The following OLFM1 variants were observed in gnomAD, a reference collection of about 807,000 sequenced individuals.
OLFM1 encodes noelin.
A neutral mutation model predicts 49.7 loss-of-function variants in OLFM1; 9 were observed. That is an observed-to-expected ratio of 0.18 (90% CI 0.11 to 0.32). OLFM1 has a LOEUF of 0.32. Among genes scored for constraint, OLFM1 ranks in the 10% least tolerant of loss-of-function variants. The pLI is 1.00. For synonymous variants in OLFM1, 240 were observed against 271.8 expected (o/e 0.88, Z 1.15); for missense variants, 369 against 661.8 (o/e 0.56, Z 4.85).
chr9:135,088,001 G>A lies in OLFM1; in HGVS notation c.12G>A (p.Pro4=). Residue 4 remains proline, a synonymous_variant, in exon 1 of 6, where the codon CCG becomes CCA. Coordinates refer to ENST00000371793, the MANE Select transcript of OLFM1 (RefSeq NM_001282611.2). This position sits in a 1 kb window ranked among gnomAD's most constrained non-coding sequence, Gnocchi z 4.8. ...CAGCTCGAGGCGCGATGTCGGTGCC[G>A]CTGCTCAAGATCGGGGTCGTGCTGA... MSV[P]LLKIGVVLST... The A allele has an allele frequency of 6.9e-7, 1 of 1,451,346 alleles. No individual in the cohort carries two copies. 89.9% of individuals were successfully genotyped at this position (1,451,346 alleles called of 1,614,324 possible). A position where few individuals can be genotyped will look rare whatever the true frequency, so the allele number is the denominator to read the frequency against.
chr9:135,114,233 G>A (rs150175751), intron 5 of OLFM1, among the ~76,000 whole-genome samples: 9,159 of 139,550 alleles, frequency 0.066, 580 homozygotes, highest in African/African-American at 0.16. Context: ...TGATTCTCCT[G>A]CCTTAGCCTC....
At chr9:135,099,819 T>C (rs963103793) in intron 4 of OLFM1, among the ~76,000 whole-genome samples, 7 of 151,870 alleles carry the variant, frequency 4.6e-5, no homozygotes, top group African/African-American at 1.7e-4. Flanking sequence ...AGGAGGGGGG[T>C]CTGGGCCAGA....
At chr9:135,087,113 T>C (rs557023513), upstream of OLFM1, 442 of 880,374 alleles carry the variant, frequency 5.0e-4, 9 homozygotes, top group Middle Eastern at 5.9e-3. Flanking sequence ...GCACCGCGGC[T>C]GCCCTGGGAT....
rs1830620268 is a variant in OLFM1 at position 135,087,825 on chromosome 9, G to T, written c.-165G>T. ...CCCGGGGAAGGCGCGGCGATGGCCG[G>T]GGCGCGCGGGGCGGCGGCGGCGGCG... On this transcript the variant is annotated 5_prime_UTR_variant, in exon 1 of 6. Transcript: ENST00000371793. 2.2e-6 allele frequency: 2 copies of T among 898,702 alleles called. No individual in the cohort carries two copies. The highest frequency in any genetic ancestry group is 2.7e-6 in the Non-Finnish European group (2 of 753,584). The allele number at this position is 898,702 out of a possible 1,614,324, so 55.7% of individuals were successfully genotyped here. A position where few individuals can be genotyped will look rare whatever the true frequency, so the allele number is the denominator to read the frequency against.
At chr9:135,114,355 T>A (rs1389269955) in intron 5 of OLFM1, among the ~76,000 whole-genome samples, 1 of 152,000 alleles carries the variant, frequency 6.6e-6, no homozygotes, top group Non-Finnish European at 1.5e-5. Flanking sequence ...GACCTCGTGA[T>A]CCGCCCACCT....
At chr9:135,077,042 C>T (rs1196751817) in intron 1 of OLFM1, 17 of 1,533,028 alleles carry the variant, frequency 1.1e-5, no homozygotes, top group Non-Finnish European at 1.5e-5. Context: ...GCCAGTCCCT[C>T]CTGGAGAGGT....
intron 1 of OLFM1, chr9:135,075,947 G>T: frequency 7.7e-7 from 1 of 1,291,812 alleles, no homozygotes; most frequent in Non-Finnish European, 9.9e-7. Context: ...TGGGGAGGGG[G>T]CCAGGGCGCT....
chr9:135,075,886 T>C (rs997682416), intron 1 of OLFM1: 39 of 1,331,940 alleles, frequency 2.9e-5, no homozygotes, highest in South Asian at 8.2e-5. Flanking sequence ...GGAACGGCTC[T>C]GGCTCCGCGC....
upstream of OLFM1, chr9:135,087,472 T>A (rs1453847508): frequency 6.6e-7 from 1 of 1,521,350 alleles, no homozygotes; most frequent in Non-Finnish European, 8.8e-7. Flanking sequence ...TGGTGGTGTG[T>A]CCGTCTCCTC....
Position 135,115,661 on chromosome 9 carries a change from C to T in OLFM1, c.784-3843C>T, listed in dbSNP as rs376782636. ...TTCCCCACTTCCCAGTCAAGACAAT[C>T]GAACTGTTTCTGGGCATGTGCAGTG... On this transcript the variant is annotated intron_variant, in intron 5 of 5. Coordinates refer to ENST00000371793, the MANE Select transcript of OLFM1 (RefSeq NM_001282611.2). Among the ~76,000 whole-genome samples, 328 of 152,324 alleles carry T rather than the reference C, an allele frequency of 2.2e-3. 1 individual carries two copies. The highest frequency in any genetic ancestry group is 7.1e-3 in the African/African-American group (295 of 41,570).
intron 4 of OLFM1, chr9:135,105,656 C>T (rs555929040): frequency 1.3e-5 from 2 of 152,430 alleles, no homozygotes; most frequent in East Asian, 3.9e-4. Context: ...TCTTCCCCCA[C>T]ACGTGGATGG....
At chr9:135,106,948 C>A (rs760340930) in intron 5 of OLFM1, 93 bp downstream of exon 5, 7 of 997,556 alleles carry the variant, frequency 7.0e-6, no homozygotes, top group Non-Finnish European at 8.9e-6. Context: ...CCACGCCCAC[C>A]CTCCAGGGCC....
intron 1 of OLFM1, chr9:135,077,461 A>T (rs1830482146): frequency 2.1e-6 from 1 of 474,904 alleles, no homozygotes; most frequent in Non-Finnish European, 3.5e-6. Flanking sequence ...CTTCAATTAG[A>T]AGCCTTGTCT....
intron 1 of OLFM1, among the ~76,000 whole-genome samples, chr9:135,082,609 C>T (rs1003763274): frequency 3.3e-5 from 5 of 152,158 alleles, no homozygotes; most frequent in Non-Finnish European, 7.3e-5. Context: ...GAACCCCTGC[C>T]CAGCCTCCTT....
At position 135,087,827 on chromosome 9, in the gene OLFM1, G is replaced by A. The variant is rs1343774441; in HGVS notation, c.-163G>A. Reference sequence around the variant, plus strand: ...CGGGGAAGGCGCGGCGATGGCCGGGGCGCGCGGGGCGGCGGCGGCGGCGGG... The same window carrying A: ...CGGGGAAGGCGCGGCGATGGCCGGGACGCGCGGGGCGGCGGCGGCGGCGGG... On this transcript the variant is annotated 5_prime_UTR_variant, in exon 1 of 6. Coordinates refer to ENST00000371793, the MANE Select transcript of OLFM1 (RefSeq NM_001282611.2). The A allele has an allele frequency of 3.1e-5, 28 of 905,156 alleles. No individual in the cohort carries two copies. The highest frequency in any genetic ancestry group is 3.6e-5 in the Non-Finnish European group (27 of 759,434). The allele number at this position is 905,156 out of a possible 1,614,324, so 56.1% of individuals were successfully genotyped here.
chr9:135,112,759 C>T (rs1006778626), intron 5 of OLFM1, among the ~76,000 whole-genome samples: 8 of 152,170 alleles, frequency 5.3e-5, no homozygotes, highest in African/African-American at 2.4e-5. Context: ...GGGAGGATGG[C>T]GGCGTGAGAG....
intron 1 of OLFM1, among the ~76,000 whole-genome samples, chr9:135,081,699 G>A (rs1433554235): frequency 1.3e-5 from 2 of 152,218 alleles, no homozygotes; most frequent in African/African-American, 4.8e-5. Flanking sequence ...TTAGGGGCCA[G>A]GCGCACTGGC....
intron 5 of OLFM1, among the ~76,000 whole-genome samples, chr9:135,107,190 T>C (rs1830957746): frequency 6.6e-6 from 1 of 152,102 alleles, no homozygotes; most frequent in South Asian, 2.1e-4. Context: ...CAAGTCCATT[T>C]CTCTGGAGCC....
At chr9:135,075,857 G>T in intron 1 of OLFM1, 1 of 1,514,640 alleles carries the variant, frequency 6.6e-7, no homozygotes, top group Non-Finnish European at 8.9e-7. Context: ...CCGGCCCCTC[G>T]GGAGCCCCAC....
Sources: gnomAD v4.1 joint callset for allele counts (sites outside exome capture counted in the v4.1 genomes callset) on GRCh38, gnomAD v4.1.1 for gene constraint, Gnocchi (gnomAD v3.1) non-coding constraint, MANE v1.5 for transcripts, NCBI Gene and HGNC (gene_info 2026-07-23, HGNC 2026-07-21) for gene names.